VPS37A: variants seen among roughly 807,000 people sequenced by gnomAD.
VPS37A encodes the protein VPS37A subunit of ESCRT-I, also known as vacuolar protein sorting-associated protein 37A.
A neutral mutation model predicts 49.8 loss-of-function variants in VPS37A; 30 were observed. The observed-to-expected ratio is 0.60, with a 90% CI of 0.45 to 0.82. The LOEUF is 0.82. VPS37A is among the 40% of genes least tolerant of loss of function. The pLI is 0.00. For synonymous variants in VPS37A, 195 were observed against 160.6 expected, an observed-to-expected ratio of 1.21 and a Z score of -1.62; for missense variants, 593 against 464.4, an observed-to-expected ratio of 1.28 and a Z score of -2.55.
intron 1 of VPS37A, among the ~76,000 whole-genome samples, chr8:17,252,495 A>G (rs1812068937): frequency 6.6e-6 from 1 of 152,188 alleles, no homozygotes; most frequent in South Asian, 2.1e-4. Flanking sequence ...TCTTTATTTA[A>G]TAGACTTTAT....
chr8:17,330,607 T>C, the VPS37A span, among the ~76,000 whole-genome samples: 1 of 152,344 alleles, frequency 6.6e-6, no homozygotes, highest in East Asian at 1.9e-4. Flanking sequence ...CACACGAGTA[T>C]ATAAGTCTGT....
At chr8:17,272,127 AG>A in intron 4 of VPS37A, 1 of 456,080 alleles carries the variant, frequency 2.2e-6, no homozygotes, top group South Asian at 1.6e-5. Flanking sequence ...ACTAATAAAA[AG>A]TTCTCCTTCC....
chr8:17,270,976 TAG>T (rs970191227), intron 4 of VPS37A, among the ~76,000 whole-genome samples: 9 of 152,048 alleles, frequency 5.9e-5, no homozygotes, highest in African/African-American at 2.2e-4. Context: ...TGTACAATGG[TAG>T]AACAAGCCTC....
intron 1 of VPS37A, 134 bp downstream of exon 1, chr8:17,247,503 C>T (rs1811383674): frequency 1.6e-6 from 2 of 1,248,112 alleles, no homozygotes; most frequent in Admixed American, 2.2e-5. Context: ...TTGTGGGTCA[C>T]ACGCTTGCTC....
chr8:17,256,826 A>C (rs1037643948), intron 1 of VPS37A, among the ~76,000 whole-genome samples: 1 of 151,854 alleles, frequency 6.6e-6, no homozygotes, highest in Non-Finnish European at 1.5e-5. Context: ...CTAATTTTGT[A>C]TCTTTAGTAG....
the VPS37A span, among the ~76,000 whole-genome samples, chr8:17,318,804 C>A: frequency 6.6e-6 from 1 of 152,214 alleles, no homozygotes; most frequent in Admixed American, 6.5e-5. Flanking sequence ...CCAGGGACAG[C>A]TGACACAGGA....
At position 17,274,858 on chromosome 8, in the gene VPS37A, C is replaced by G. The variant is rs1323311260; in HGVS notation, c.542C>G (p.Ser181Cys). ...TSLSVADTVS[S>C]STTSHTTAKP... ...TTATCTGTTGCTGACACTGTTTCTT[C>G]TTCAACAACAAGTCATACCACAGCC... The change falls in exon 5 of 12, where the codon TCT (serine) becomes TGT (cysteine). Residue 181 changes from serine to cysteine, a missense_variant. Coordinates refer to ENST00000324849, the MANE Select transcript of VPS37A (RefSeq NM_152415.3). 2 of 1,614,046 alleles carry G rather than the reference C, an allele frequency of 1.2e-6. No individual in the cohort carries two copies. The highest frequency in any genetic ancestry group is 8.5e-7 in the Non-Finnish European group (1 of 1,180,022).
downstream of VPS37A, among the ~76,000 whole-genome samples, chr8:17,300,948 G>A (rs1817069937): frequency 6.6e-6 from 1 of 152,220 alleles, no homozygotes; most frequent in Non-Finnish European, 1.5e-5. Flanking sequence ...CATGTATCAA[G>A]TACTTCATTC....
intron 1 of VPS37A, 106 bp from the exon 2 acceptor site, chr8:17,265,801 T>G (rs1289318399): frequency 5.0e-5 from 79 of 1,577,806 alleles, no homozygotes; most frequent in Non-Finnish European, 6.8e-5. Flanking sequence ...CCAGATTCTG[T>G]GATTAAAAAT....
chr8:17,263,827 G>C (rs1174384953), intron 1 of VPS37A, among the ~76,000 whole-genome samples: 1 of 152,080 alleles, frequency 6.6e-6, no homozygotes, highest in Non-Finnish European at 1.5e-5. Flanking sequence ...TGTAGTCCCA[G>C]CTACTCATGA....
At chr8:17,290,061 C>G (rs1815993070) in intron 11 of VPS37A, among the ~76,000 whole-genome samples, 1 of 152,190 alleles carries the variant, frequency 6.6e-6, no homozygotes, top group Non-Finnish European at 1.5e-5. Context: ...TATCCTGAGA[C>G]CTTGCTGAAG....
intron 11 of VPS37A, among the ~76,000 whole-genome samples, chr8:17,292,349 G>C (rs776333278): frequency 5.3e-5 from 8 of 151,854 alleles, no homozygotes; most frequent in Non-Finnish European, 1.0e-4. Flanking sequence ...TTTATTTTAA[G>C]CCTGTGTGTG....
chr8:17,303,192 A>G (rs1251359288), downstream of VPS37A, among the ~76,000 whole-genome samples: 1 of 152,200 alleles, frequency 6.6e-6, no homozygotes, highest in East Asian at 1.9e-4. Context: ...GATCCTCAAT[A>G]AAATATGTGT....
intron 1 of VPS37A, among the ~76,000 whole-genome samples, chr8:17,258,586 T>C (rs1446951447): frequency 1.3e-5 from 2 of 152,162 alleles, no homozygotes; most frequent in East Asian, 1.9e-4. Flanking sequence ...ATCTGTAATA[T>C]TGGCCTGTAG....
intron 2 of VPS37A, among the ~76,000 whole-genome samples, chr8:17,267,385 C>T (rs1430339130): frequency 6.6e-6 from 1 of 152,112 alleles, no homozygotes; most frequent in Admixed American, 6.6e-5. Flanking sequence ...AACAGGGTTT[C>T]ATATCCAGTA....
chr8:17,268,184 G>C (rs1813644447), intron 2 of VPS37A, 74 bp from the exon 3 acceptor site: 1 of 1,026,410 alleles, frequency 9.7e-7, no homozygotes, highest in Non-Finnish European at 1.5e-6. Flanking sequence ...AAATAGCTTT[G>C]TTTTAAGATT....
chr8:17,306,653 A>G (rs1411097805), downstream of VPS37A, among the ~76,000 whole-genome samples: 1 of 152,324 alleles, frequency 6.6e-6, no homozygotes, highest in African/African-American at 2.4e-5. Flanking sequence ...GTCATCAAAG[A>G]CAAAATAACA....
chr8:17,259,866 T>G (rs1358809990), intron 1 of VPS37A, among the ~76,000 whole-genome samples: 2 of 152,170 alleles, frequency 1.3e-5, no homozygotes, highest in Non-Finnish European at 2.9e-5. Context: ...GTAGTCTGTT[T>G]TATTTGCTGT....
chr8:17,256,810 A>ACG (rs1812511988), intron 1 of VPS37A, among the ~76,000 whole-genome samples: 4 of 151,688 alleles, frequency 2.6e-5, no homozygotes, highest in African/African-American at 7.2e-5. Context: ...TCACCACCAC[A>ACG]CCCGGCTAAT....
Sources: allele counts gnomAD v4.1 joint callset (sites outside exome capture counted in the v4.1 genomes callset), GRCh38; gene constraint gnomAD v4.1.1; transcripts MANE v1.5; gene names NCBI Gene and HGNC (gene_info 2026-07-23, HGNC 2026-07-21).